Variants in FKBP1A observed in about 807,000 individuals in gnomAD.
FKBP1A encodes the protein FKBP prolyl isomerase 1A.
Under a neutral mutation model 14.2 loss-of-function variants are expected in FKBP1A, and 5 were observed. That is an observed-to-expected ratio of 0.35 (90% CI 0.18 to 0.74). The LOEUF (loss-of-function observed/expected upper bound fraction) is 0.74, where lower values mean the gene tolerates loss of function less well. Among genes scored for constraint, FKBP1A ranks in the 30% least tolerant of loss-of-function variants. FKBP1A has a pLI of 0.56. For missense variants in FKBP1A, 53 were observed against 138.8 expected, an observed-to-expected ratio of 0.38 and a Z score of 3.10; for synonymous variants, 42 against 49.1, an observed-to-expected ratio of 0.86 and a Z score of 0.60.
chr20:1,389,884 C>T (rs937387738), intron 2 of FKBP1A, among the ~76,000 whole-genome samples: 3 of 152,120 alleles, frequency 2.0e-5, no homozygotes, highest in African/African-American at 7.2e-5. Context: ...ACCTTTCCAC[C>T]ACCTCCCTCC....
intron 2 of FKBP1A, among the ~76,000 whole-genome samples, chr20:1,381,472 T>C (rs891540468): frequency 6.6e-6 from 1 of 152,220 alleles, no homozygotes; most frequent in Non-Finnish European, 1.5e-5. Context: ...ACTGGTATTC[T>C]CATACACTGC....
intron 4 of FKBP1A, chr20:1,370,332 G>A (rs571726416): frequency 2.0e-6 from 2 of 985,416 alleles, no homozygotes; most frequent in Non-Finnish European, 2.4e-6. Context: ...CAGCAGGAGG[G>A]CTAGCCACCC....
At chr20:1,383,165 G>A (rs1470214011) in intron 2 of FKBP1A, among the ~76,000 whole-genome samples, 1 of 152,144 alleles carries the variant, frequency 6.6e-6, no homozygotes, top group Non-Finnish European at 1.5e-5. Flanking sequence ...GGGAAGGGCA[G>A]AGTGCCATAT....
chr20:1,370,186 T>A, intron 4 of FKBP1A, 114 bp from the exon 5 acceptor site: 1 of 1,455,476 alleles, frequency 6.9e-7, no homozygotes, highest in Non-Finnish European at 9.0e-7. Flanking sequence ...AGCTGAGCAG[T>A]CTGAGACCAA....
intron 4 of FKBP1A, chr20:1,371,080 G>A: frequency 1.0e-6 from 1 of 985,448 alleles, no homozygotes; most frequent in African/African-American, 1.7e-5. Flanking sequence ...AAATAGGATG[G>A]CAGCCATTTG....
chr20:1,381,501 A>C (rs1412365892), intron 2 of FKBP1A, among the ~76,000 whole-genome samples: 1 of 152,192 alleles, frequency 6.6e-6, no homozygotes, highest in East Asian at 1.9e-4. Context: ...ATATAACATA[A>C]AGCTTCAGAA....
chr20:1,385,460 G>C (rs1457555028), intron 2 of FKBP1A, among the ~76,000 whole-genome samples: 1 of 151,854 alleles, frequency 6.6e-6, no homozygotes, highest in Non-Finnish European at 1.5e-5. Context: ...TTTTCTATAG[G>C]GTATAATGGT....
intron 2 of FKBP1A, among the ~76,000 whole-genome samples, chr20:1,383,678 A>C (rs2089640201): frequency 1.2e-5 from 1 of 84,290 alleles, no homozygotes; most frequent in South Asian, 3.9e-4. Flanking sequence ...TGTTTCTGCA[A>C]AAAATTAAAA....
At chr20:1,389,870 G>A (rs1441821371) in intron 2 of FKBP1A, among the ~76,000 whole-genome samples, 1 of 152,132 alleles carries the variant, frequency 6.6e-6, no homozygotes, top group Non-Finnish European at 1.5e-5. Context: ...TTACTTGGCA[G>A]CTTACCTTTC....
intron 2 of FKBP1A, chr20:1,376,887 A>G (rs1390449718): frequency 1.3e-5 from 2 of 152,238 alleles, no homozygotes; most frequent in African/African-American, 4.8e-5. Flanking sequence ...AGACATCTGC[A>G]ATAGATATCT....
chr20:1,392,407 T>C (rs182741456), intron 2 of FKBP1A, among the ~76,000 whole-genome samples: 151 of 152,098 alleles, frequency 9.9e-4, no homozygotes, highest in African/African-American at 3.5e-3. Flanking sequence ...GGGATGGAAG[T>C]GGGGGCAGGG....
At chr20:1,377,764 T>C (rs2089566540) in intron 2 of FKBP1A, 1 of 152,090 alleles carries the variant, frequency 6.6e-6, no homozygotes, top group Non-Finnish European at 1.5e-5. Context: ...TGAGACTGCT[T>C]GTAACAGAAA....
intron 2 of FKBP1A, among the ~76,000 whole-genome samples, chr20:1,383,911 A>T (rs2089644153): frequency 6.6e-6 from 1 of 151,678 alleles, no homozygotes; most frequent in African/African-American, 2.4e-5. Context: ...GCAGCTTTGC[A>T]TTTGAAGCCA....
intron 2 of FKBP1A, among the ~76,000 whole-genome samples, chr20:1,389,926 G>A (rs1408478227): frequency 6.6e-6 from 1 of 152,182 alleles, no homozygotes; most frequent in Non-Finnish European, 1.5e-5. Flanking sequence ...CCTAGGAGAT[G>A]CTTAGCTGGT....
chr20:1,384,680 T>TA (rs771780482), intron 2 of FKBP1A, among the ~76,000 whole-genome samples: 19 of 152,200 alleles, frequency 1.2e-4, no homozygotes, highest in Non-Finnish European at 2.4e-4. Flanking sequence ...CTTACATTCT[T>TA]ATTATTCCAT....
intron 3 of FKBP1A, chr20:1,374,465 T>G (rs928758936): frequency 6.6e-6 from 1 of 152,230 alleles, no homozygotes; most frequent in Non-Finnish European, 1.5e-5. Context: ...TGATATCATG[T>G]TTTACTCTTA....
chr20:1,392,503 C>CT (rs2089750807), intron 2 of FKBP1A, among the ~76,000 whole-genome samples: 1 of 152,146 alleles, frequency 6.6e-6, no homozygotes, highest in African/African-American at 2.4e-5. Flanking sequence ...AAAGTGAGAC[C>CT]TTGGGAAAGT....
intron 4 of FKBP1A, chr20:1,371,682 C>T (rs1221813532): frequency 1.0e-6 from 1 of 986,574 alleles, no homozygotes; most frequent in Non-Finnish European, 1.2e-6. Context: ...TTTTTTTCCC[C>T]CTCTAGCTTC....
intron 2 of FKBP1A, among the ~76,000 whole-genome samples, chr20:1,389,131 C>T (rs1230776134): frequency 6.6e-6 from 1 of 152,176 alleles, no homozygotes; most frequent in Non-Finnish European, 1.5e-5. Context: ...ATCTCTCCAG[C>T]GCTTCTTACT....
Sources: gnomAD v4.1 joint callset for allele counts (sites outside exome capture counted in the v4.1 genomes callset) on GRCh38, gnomAD v4.1.1 for gene constraint, MANE v1.5 for transcripts, NCBI Gene and HGNC (gene_info 2026-07-23, HGNC 2026-07-21) for gene names.